AKAP19: variants seen among roughly 807,000 people sequenced by gnomAD.
AKAP19 encodes small A-kinase anchoring protein.
chr2:189,926,518 C>T, the AKAP19 span, among the ~76,000 whole-genome samples: 2 of 150,150 alleles, frequency 1.3e-5, no homozygotes, highest in African/African-American at 4.9e-5. Flanking sequence ...GATCTGCTGA[C>T]GTCGTGATCC....
chr2:189,950,289 A>C, the AKAP19 span, among the ~76,000 whole-genome samples: 1 of 150,920 alleles, frequency 6.6e-6, no homozygotes, highest in South Asian at 2.1e-4. Flanking sequence ...CAGCCTCCCA[A>C]AGTGCTGGGA....
chr2:189,899,965 A>G, the AKAP19 span, among the ~76,000 whole-genome samples: 2 of 152,102 alleles, frequency 1.3e-5, no homozygotes, highest in Non-Finnish European at 2.9e-5. Flanking sequence ...GTGCACATAT[A>G]TAGTATTCAT....
the AKAP19 span, among the ~76,000 whole-genome samples, chr2:190,160,055 T>C: frequency 6.6e-6 from 1 of 152,220 alleles, no homozygotes; most frequent in African/African-American, 2.4e-5. Flanking sequence ...AAGTTCATTT[T>C]TGAAGATATA....
the AKAP19 span, among the ~76,000 whole-genome samples, chr2:190,119,961 G>T: frequency 6.6e-6 from 1 of 152,186 alleles, no homozygotes. Context: ...ATAACCAGAG[G>T]AACTTTGTAA....
chr2:189,928,868 C>T, the AKAP19 span, among the ~76,000 whole-genome samples: 1 of 152,092 alleles, frequency 6.6e-6, no homozygotes, highest in African/African-American at 2.4e-5. Flanking sequence ...GACCACTTTT[C>T]CTTTTCCTAA....
chr2:190,087,915 G>A, the AKAP19 span, among the ~76,000 whole-genome samples: 422 of 152,246 alleles, frequency 2.8e-3, no homozygotes, highest in African/African-American at 9.5e-3. Flanking sequence ...TTGTATAAAA[G>A]ATAAGGAGTT....
chr2:190,064,015 T>C, the AKAP19 span, among the ~76,000 whole-genome samples: 2 of 152,156 alleles, frequency 1.3e-5, no homozygotes, highest in Non-Finnish European at 2.9e-5. Context: ...ACTTTTTTTT[T>C]CCAAGAGAAT....
At chr2:190,044,663 GGGCACCCATGTAACA>G in the AKAP19 span, among the ~76,000 whole-genome samples, 1 of 152,066 alleles carries the variant, frequency 6.6e-6, no homozygotes, top group Non-Finnish European at 1.5e-5. Context: ...ATACTAGAAT[GGGCACCCATGTAACA>G]GGCTGGTCAC....
the AKAP19 span, among the ~76,000 whole-genome samples, chr2:190,076,042 C>A: frequency 6.6e-6 from 1 of 152,006 alleles, no homozygotes; most frequent in Non-Finnish European, 1.5e-5. Context: ...TGTGTGATTG[C>A]CATCATACAT....
chr2:190,079,298 T>C, the AKAP19 span: 5 of 152,198 alleles, frequency 3.3e-5, no homozygotes, highest in East Asian at 7.7e-4. Context: ...CTCACTAAAC[T>C]TCCTGCTCCA....
At chr2:189,981,247 T>C in the AKAP19 span, among the ~76,000 whole-genome samples, 8 of 150,824 alleles carry the variant, frequency 5.3e-5, no homozygotes, top group Admixed American at 3.4e-4. Flanking sequence ...TTGAACCCTT[T>C]AATGTTACAT....
At chr2:190,063,729 T>C in the AKAP19 span, among the ~76,000 whole-genome samples, 2 of 152,126 alleles carry the variant, frequency 1.3e-5, no homozygotes, top group African/African-American at 4.8e-5. Context: ...CCTTTGCCAA[T>C]TTCTCATTTT....
At chr2:189,915,198 T>C in the AKAP19 span, among the ~76,000 whole-genome samples, 1 of 152,124 alleles carries the variant, frequency 6.6e-6, no homozygotes, top group Non-Finnish European at 1.5e-5. Context: ...CCCTTTATGA[T>C]TTTACTCTCA....
At chr2:189,956,072 GTTTA>G in the AKAP19 span, among the ~76,000 whole-genome samples, 129 of 151,236 alleles carry the variant, frequency 8.5e-4, no homozygotes, top group Admixed American at 1.8e-3. Flanking sequence ...AGGATCCACA[GTTTA>G]TTTAAAGATT....
At chr2:190,087,783 T>A in the AKAP19 span, among the ~76,000 whole-genome samples, 3 of 152,230 alleles carry the variant, frequency 2.0e-5, no homozygotes, top group Non-Finnish European at 4.4e-5. Flanking sequence ...GTGTTCCCAA[T>A]TGGTCATGAA....
the AKAP19 span, among the ~76,000 whole-genome samples, chr2:189,996,066 A>G: frequency 2.6e-5 from 4 of 152,172 alleles, no homozygotes; most frequent in Non-Finnish European, 4.4e-5. Flanking sequence ...CCTGATGACT[A>G]TGTGCCTATG....
At chr2:189,894,302 A>G in the AKAP19 span, among the ~76,000 whole-genome samples, 1 of 152,170 alleles carries the variant, frequency 6.6e-6, no homozygotes, top group South Asian at 2.1e-4. Flanking sequence ...ATTATAACAC[A>G]TTTATGAAGT....
the AKAP19 span, among the ~76,000 whole-genome samples, chr2:190,155,072 A>G: frequency 1.3e-5 from 2 of 152,216 alleles, no homozygotes; most frequent in African/African-American, 4.8e-5. Context: ...TAGCCACAGA[A>G]GCAGGGACAG....
At chr2:189,924,294 A>T in the AKAP19 span, 3 of 1,030,204 alleles carry the variant, frequency 2.9e-6, no homozygotes, top group Non-Finnish European at 4.5e-6. Flanking sequence ...TTTTCACCAG[A>T]TCCTCTCCCC....
Sources: gnomAD v4.1 joint callset for allele counts (sites outside exome capture counted in the v4.1 genomes callset) on GRCh38, gnomAD v4.1.1 for gene constraint, MANE v1.5 for transcripts, NCBI Gene and HGNC (gene_info 2026-07-23, HGNC 2026-07-21) for gene names.